The following SUCO variants were observed in gnomAD, a reference collection of about 807,000 sequenced individuals.
SUCO encodes SUN domain-containing ossification factor.
A neutral mutation model predicts 148.1 loss-of-function variants in SUCO; 57 were observed. The observed-to-expected ratio is 0.38, with a 90% CI of 0.31 to 0.48. The LOEUF is 0.48. SUCO is among the 20% of genes least tolerant of loss of function. SUCO has a pLI of 0.96. For missense variants in SUCO, 1,331 were observed against 1,468.2 expected (o/e 0.91, Z 1.53); for synonymous variants, 470 against 502.7 (o/e 0.93, Z 0.87).
At chr1:172,544,693 C>T (rs899059981) in intron 1 of SUCO, among the ~76,000 whole-genome samples, 5 of 152,090 alleles carry the variant, frequency 3.3e-5, no homozygotes, top group Admixed American at 6.5e-5. Context: ...AGCTCTGTAT[C>T]GCTGAAGCAT....
chr1:172,589,095 C>T lies in SUCO; in HGVS notation c.1994C>T (p.Pro665Leu), dbSNP rs1379162187. ...GKDYLVLAQP[P>L]LLLPAESVDV... ...GATTATCTTGTGTTAGCTCAACCAC[C>T]CTTACTACTTCCTGCGGAATCAGTA... is the stretch of plus-strand genomic sequence containing the variant. Residue 665 changes from proline (P) to leucine (L), a missense_variant, in exon 18 of 24, where the codon CCC becomes CTC. This residue lies in a region of SUCO where 992 missense variants were observed against 1,093.5 expected (regional missense o/e 0.91). Coordinates refer to ENST00000263688, the MANE Select transcript of SUCO (RefSeq NM_014283.5). The T allele has an allele frequency of 5.6e-6, 9 of 1,613,434 alleles. No homozygotes were observed. The highest frequency in any genetic ancestry group is 1.1e-5 in the South Asian group (1 of 90,992).
chr1:172,606,654 A>G (rs918526108), intron 22 of SUCO, among the ~76,000 whole-genome samples: 9 of 151,820 alleles, frequency 5.9e-5, no homozygotes, highest in African/African-American at 1.7e-4. Context: ...TTCATTTGTC[A>G]TTAGTTAAAA....
intron 15 of SUCO, among the ~76,000 whole-genome samples, chr1:172,582,745 G>A (rs73034042): frequency 0.056 from 8,487 of 152,140 alleles, 741 homozygotes; most frequent in African/African-American, 0.19. Flanking sequence ...ACATTAGGCA[G>A]TGTTCTGTAA....
intron 19 of SUCO, among the ~76,000 whole-genome samples, chr1:172,593,847 A>G (rs1266703136): frequency 6.6e-6 from 1 of 152,228 alleles, no homozygotes; most frequent in Admixed American, 6.5e-5. Context: ...TTCAGAAGGA[A>G]TGGTACCAGC....
chr1:172,541,343 A>G (rs1048146192), intron 1 of SUCO, among the ~76,000 whole-genome samples: 3 of 152,224 alleles, frequency 2.0e-5, no homozygotes, highest in African/African-American at 4.8e-5. Context: ...CTAGATATTT[A>G]TATGGGAGGA....
intron 22 of SUCO, among the ~76,000 whole-genome samples, chr1:172,605,709 T>A (rs751466086): frequency 6.6e-6 from 1 of 151,868 alleles, no homozygotes; most frequent in Non-Finnish European, 1.5e-5. Context: ...ACTAGTTCAC[T>A]TGCAGATTAT....
chr1:172,591,181 T>G (rs1463869753), intron 19 of SUCO, 110 bp downstream of exon 19: 9 of 729,046 alleles, frequency 1.2e-5, no homozygotes, highest in Non-Finnish European at 2.0e-5. Context: ...CCCTGCTAGC[T>G]GGTGTTTAAG....
At chr1:172,572,120 T>G in intron 9 of SUCO, among the ~76,000 whole-genome samples, 1 of 121,462 alleles carries the variant, frequency 8.2e-6, no homozygotes, top group African/African-American at 3.0e-5. Context: ...GTCCGGGAGG[T>G]GAGGGGCGCC....
At chr1:172,557,853 C>T (rs765788783) in intron 6 of SUCO, 59 bp downstream of exon 6, 1 of 1,320,978 alleles carries the variant, frequency 7.6e-7, no homozygotes, top group Non-Finnish European at 1.0e-6. Context: ...TTGTTATTAG[C>T]TAAGCTTATA....
chr1:172,568,672 ATTT>A (rs1483226263), intron 6 of SUCO, among the ~76,000 whole-genome samples: 1 of 152,154 alleles, frequency 6.6e-6, no homozygotes, highest in Non-Finnish European at 1.5e-5. Flanking sequence ...ATTAACTTAT[ATTT>A]TAAGGTGGAT....
At chr1:172,557,589 G>T (rs1653842729) in intron 5 of SUCO, 55 bp from the exon 6 acceptor site, 1 of 1,497,874 alleles carries the variant, frequency 6.7e-7, no homozygotes, top group Admixed American at 2.2e-5. Flanking sequence ...AGATTGTATA[G>T]AATTTGTTAT....
At chr1:172,571,201 G>A (rs947244189) in intron 9 of SUCO, among the ~76,000 whole-genome samples, 1 of 152,256 alleles carries the variant, frequency 6.6e-6, no homozygotes, top group South Asian at 2.1e-4. Flanking sequence ...TGCGATTGCA[G>A]GCGCGCGCCA....
At chr1:172,579,898 A>G (rs1006270705) in intron 15 of SUCO, among the ~76,000 whole-genome samples, 1 of 152,154 alleles carries the variant, frequency 6.6e-6, no homozygotes, top group Non-Finnish European at 1.5e-5. Context: ...TGTAAAATTA[A>G]CTACAAGTAG....
chr1:172,556,095 T>A, intron 4 of SUCO, 72 bp downstream of exon 4: 1 of 1,248,056 alleles, frequency 8.0e-7, no homozygotes, highest in Non-Finnish European at 1.1e-6. Flanking sequence ...CCTTAAAAGA[T>A]AAAGCAGCTT....
chr1:172,580,119 A>G (rs1359279614), intron 15 of SUCO, among the ~76,000 whole-genome samples: 1 of 152,116 alleles, frequency 6.6e-6, no homozygotes, highest in African/African-American at 2.4e-5. Context: ...CACAGTATAT[A>G]GAGTTAAAAT....
At chr1:172,534,567 G>A (rs1316204622) in intron 1 of SUCO, among the ~76,000 whole-genome samples, 3 of 152,148 alleles carry the variant, frequency 2.0e-5, no homozygotes, top group Non-Finnish European at 4.4e-5. Flanking sequence ...GCCTGGCTGA[G>A]GGATTTTTAT....
chr1:172,605,113 C>G (rs972703705), intron 22 of SUCO, among the ~76,000 whole-genome samples: 8 of 151,762 alleles, frequency 5.3e-5, no homozygotes, highest in Non-Finnish European at 8.9e-5. Context: ...CAAATATTTT[C>G]TTTCATCCTT....
intron 9 of SUCO, among the ~76,000 whole-genome samples, chr1:172,572,977 G>C (rs1655156382): frequency 6.6e-6 from 1 of 151,858 alleles, no homozygotes; most frequent in Non-Finnish European, 1.5e-5. Flanking sequence ...TTCCTAAGCA[G>C]CAATATTTTT....
chr1:172,590,461 T>C (rs1272370335), intron 18 of SUCO: 1 of 579,134 alleles, frequency 1.7e-6, no homozygotes, highest in Non-Finnish European at 2.2e-6. Context: ...GCCAATTCAT[T>C]AAGACACCAG....
Sources: allele counts gnomAD v4.1 joint callset (sites outside exome capture counted in the v4.1 genomes callset), GRCh38; gene constraint gnomAD v4.1.1; regional missense constraint gnomAD v4.1.1; transcripts MANE v1.5; gene names NCBI Gene and HGNC (gene_info 2026-07-23, HGNC 2026-07-21).